The following IL17REL variants were observed in gnomAD, a reference collection of about 807,000 sequenced individuals.
The protein encoded by IL17REL is interleukin-17 receptor E-like protein.
A neutral mutation model predicts 49.0 loss-of-function variants in IL17REL; 36 were observed. That is an observed-to-expected ratio of 0.73 (90% CI 0.56 to 0.97). The LOEUF (loss-of-function observed/expected upper bound fraction) is 0.97, where lower values mean the gene tolerates loss of function less well. Among genes scored for constraint, IL17REL ranks in the 50% least tolerant of loss-of-function variants. The pLI, the probability that IL17REL is intolerant of heterozygous loss-of-function variation, is 0.00. For missense variants in IL17REL, 470 were observed against 453.9 expected (o/e 1.04, Z -0.32); for synonymous variants, 206 against 192.4 (o/e 1.07, Z -0.58).
Position 49,999,415 on chromosome 22 carries a change from C to T in IL17REL, c.546+16G>A, listed in dbSNP as rs747039026. On this transcript the variant is annotated intron_variant, in intron 6 of 12. Coordinates refer to ENST00000341280, the Ensembl canonical transcript of IL17REL. ...TCCCCTCACCCGCCCCAAGTCCAGG[C>T]CACACCTCCACCGACCTCCAGGCAC... 5.0e-6 allele frequency: 8 copies of T among 1,612,500 alleles called. No individual in the cohort carries two copies. In the African/African-American group the frequency reaches 9.3e-5, roughly 19 times the overall value.
At chr22:49,995,693 G>A (rs1032231403) in exon 13 of IL17REL, 11 of 152,494 alleles carry the variant, frequency 7.2e-5, no homozygotes, top group African/African-American at 2.6e-4. Context: ...GACATGTGAG[G>A]GAAGGGGAGG....
upstream of IL17REL, among the ~76,000 whole-genome samples, chr22:50,010,559 T>G (rs1183776336): frequency 6.6e-6 from 1 of 152,206 alleles, no homozygotes; most frequent in Non-Finnish European, 1.5e-5. Flanking sequence ...ACTCCCCGCA[T>G]CCACCTTCAG....
chr22:49,993,800 C>T (rs2061017958), downstream of IL17REL, among the ~76,000 whole-genome samples: 1 of 152,180 alleles, frequency 6.6e-6, no homozygotes, highest in African/African-American at 2.4e-5. The surrounding 1 kb of genome is among the most constrained non-coding windows in gnomAD (Gnocchi z 6.0). Flanking sequence ...GGCCAGGATT[C>T]CCGGAGTAGC....
At chr22:50,002,495 CTTTTTT>C (rs398040533) in intron 1 of IL17REL, among the ~76,000 whole-genome samples, 2 of 127,906 alleles carry the variant, frequency 1.6e-5, no homozygotes, top group Middle Eastern at 4.1e-3. Context: ...CTTTTCTTTT[CTTTTTT>C]TTTTTTTTTT....
At chr22:49,992,718 A>C (rs2061012315), downstream of IL17REL, among the ~76,000 whole-genome samples, 1 of 152,198 alleles carries the variant, frequency 6.6e-6, no homozygotes, top group African/African-American at 2.4e-5. Flanking sequence ...TCTGGGTTCA[A>C]GCGATTCTCC....
rs753071169 is a variant in IL17REL at position 50,003,803 on chromosome 22, G to C, written c.-41-2572C>G. Among the ~76,000 whole-genome samples, 83 of 152,162 alleles carry C rather than the reference G, an allele frequency of 5.5e-4. 1 individual carries two copies. Among genetic ancestry groups the C allele is most frequent in the Non-Finnish European group, 5.9e-4 (40 of 68,006 alleles). ...AATAATAGATTATTTCCACCCCTCA[G>C]ATAAAAAACAAGACAAGGATCCCTG... is the stretch of plus-strand genomic sequence containing the variant. On this transcript the variant is annotated intron_variant, in intron 1 of 12. Coordinates refer to ENST00000341280, the Ensembl canonical transcript of IL17REL.
upstream of IL17REL, among the ~76,000 whole-genome samples, chr22:50,011,681 C>A (rs1199401527): frequency 6.6e-6 from 1 of 152,146 alleles, no homozygotes; most frequent in East Asian, 1.9e-4. Flanking sequence ...GGTTCCCACG[C>A]ATCCCAGCCT....
intron 9 of IL17REL, 140 bp downstream of exon 11, chr22:49,997,885 G>T (rs1437863869): frequency 7.2e-7 from 1 of 1,387,474 alleles, no homozygotes; most frequent in Non-Finnish European, 1.0e-6. Flanking sequence ...CTCACCCACT[G>T]TCAGACCAGG....
At chr22:50,001,196 C>T (rs749811922) in exon 2 of IL17REL, 90 of 1,574,186 alleles carry the variant, frequency 5.7e-5, no homozygotes, top group Non-Finnish European at 7.3e-5. Flanking sequence ...GACATGGACA[C>T]GGGGCGTGGC....
intron 1 of IL17REL, among the ~76,000 whole-genome samples, chr22:50,004,199 C>T (rs137849): frequency 0.15 from 23,178 of 152,064 alleles, 1,939 homozygotes; most frequent in Middle Eastern, 0.33. Context: ...GTGTCTCAGC[C>T]TCCTGAGTAG....
upstream of IL17REL, among the ~76,000 whole-genome samples, chr22:50,010,356 G>C (rs1251092721): frequency 1.3e-5 from 2 of 152,240 alleles, no homozygotes; most frequent in Non-Finnish European, 2.9e-5. Flanking sequence ...TGGGGAACGG[G>C]ATCCGAGCAG....
At chr22:50,010,019 C>G (rs145735914), upstream of IL17REL, among the ~76,000 whole-genome samples, 367 of 152,344 alleles carry the variant, frequency 2.4e-3, 3 homozygotes, top group Non-Finnish European at 3.6e-3. Context: ...TACTAGTGAA[C>G]TGTTTTCTGT....
At chr22:50,008,905 C>G (rs2061124002), upstream of IL17REL, 1 of 152,308 alleles carries the variant, frequency 6.6e-6, no homozygotes, top group African/African-American at 2.4e-5. Context: ...TAAGTGGACA[C>G]TAGCAGAGCA....
chr22:49,999,856 G>A, exon 5 of IL17REL: 1 of 1,533,804 alleles, frequency 6.5e-7, no homozygotes, highest in Non-Finnish European at 8.8e-7. Flanking sequence ...GTCCTCGCAG[G>A]TGAACCGCTT....
intron 1 of IL17REL, among the ~76,000 whole-genome samples, chr22:50,006,421 G>A (rs1019670233): frequency 2.0e-5 from 3 of 152,076 alleles, no homozygotes; most frequent in Admixed American, 6.6e-5. Flanking sequence ...GTCCTGGGAC[G>A]TTGAGCCGCT....
chr22:50,012,166 G>C (rs2061144779), upstream of IL17REL, among the ~76,000 whole-genome samples: 1 of 152,184 alleles, frequency 6.6e-6, no homozygotes, highest in Non-Finnish European at 1.5e-5. Context: ...CGTTCTCCGA[G>C]TGTTTCCTTG....
At chr22:50,003,923 A>T (rs541811418) in intron 1 of IL17REL, among the ~76,000 whole-genome samples, 15 of 152,360 alleles carry the variant, frequency 9.8e-5, no homozygotes, top group Non-Finnish European at 2.9e-5. Context: ...ATGAAGAAGG[A>T]AAGTTGTGTA....
chr22:49,997,831 G>A (rs535469714), intron 9 of IL17REL, 89 bp from the exon 12 acceptor site: 24 of 1,436,364 alleles, frequency 1.7e-5, no homozygotes, highest in Non-Finnish European at 2.3e-5. Context: ...GGCTGGGTCA[G>A]CTTCAGGGTG....
chr22:50,006,575 T>A (rs773982883), intron 1 of IL17REL, among the ~76,000 whole-genome samples: 1 of 152,070 alleles, frequency 6.6e-6, no homozygotes, highest in Non-Finnish European at 1.5e-5. Context: ...AAGGCTGTGA[T>A]GAGGGACCAG....
Sources: allele counts gnomAD v4.1 joint callset (sites outside exome capture counted in the v4.1 genomes callset), GRCh38; gene constraint gnomAD v4.1.1; non-coding constraint Gnocchi (gnomAD v3.1); transcripts MANE v1.5; gene names NCBI Gene and HGNC (gene_info 2026-07-23, HGNC 2026-07-21).